HADHA: variants seen among roughly 807,000 people sequenced by gnomAD.
HADHA encodes the protein hydroxyacyl-CoA dehydrogenase trifunctional multienzyme complex subunit alpha, also known as trifunctional enzyme subunit alpha, mitochondrial.
Under a neutral mutation model 91.3 loss-of-function variants are expected in HADHA, and 59 were observed. The observed-to-expected ratio is 0.65, with a 90% CI of 0.52 to 0.80. HADHA has a LOEUF of 0.80. Ranked by LOEUF, HADHA falls within the 30% of genes least tolerant of loss-of-function variation. The pLI, the probability that HADHA is intolerant of heterozygous loss-of-function variation, is 0.00. For missense variants in HADHA, 800 were observed against 927.6 expected (o/e 0.86, Z 1.79); for synonymous variants, 320 against 338.9 (o/e 0.94, Z 0.61).
intron 5 of HADHA, among the ~76,000 whole-genome samples, chr2:26,233,244 C>G (rs1670668432): frequency 6.6e-6 from 1 of 152,150 alleles, no homozygotes; most frequent in African/African-American, 2.4e-5. Flanking sequence ...GGCTACAAAC[C>G]TGGACTGCAT....
chr2:26,234,444 T>A, intron 4 of HADHA, 89 bp from the exon 5 acceptor site: 1 of 1,099,370 alleles, frequency 9.1e-7, no homozygotes, highest in Non-Finnish European at 1.4e-6. Context: ...ACTTATCCTA[T>A]CATGCATCAA....
intron 16 of HADHA, 90 bp from the exon 17 acceptor site, chr2:26,193,862 T>G: frequency 1.0e-6 from 1 of 993,322 alleles, no homozygotes; most frequent in African/African-American, 1.6e-5. Flanking sequence ...CACTGCCTTG[T>G]GTAAAACCCA....
intron 7 of HADHA, among the ~76,000 whole-genome samples, chr2:26,219,666 G>C (rs1394763509): frequency 1.3e-5 from 2 of 152,174 alleles, no homozygotes; most frequent in African/African-American, 4.8e-5. Flanking sequence ...GAATCCCGGG[G>C]TGGCAGGGCC....
At chr2:26,225,387 G>A in intron 7 of HADHA, among the ~76,000 whole-genome samples, 1 of 102,702 alleles carries the variant, frequency 9.7e-6, no homozygotes, top group African/African-American at 4.4e-5. Flanking sequence ...GACAGGGTGA[G>A]ACTCCATCTC....
intron 6 of HADHA, among the ~76,000 whole-genome samples, chr2:26,230,648 G>A (rs778870048): frequency 1.3e-5 from 2 of 151,952 alleles, no homozygotes; most frequent in Admixed American, 6.6e-5. Context: ...GGCCAGGCAC[G>A]GTGGCTCACA....
At chr2:26,219,714 T>C (rs1670328754) in intron 7 of HADHA, among the ~76,000 whole-genome samples, 1 of 152,190 alleles carries the variant, frequency 6.6e-6, no homozygotes, top group Admixed American at 6.5e-5. Context: ...GTGGGCATAG[T>C]TACCATAATA....
At chr2:26,244,375 T>A in intron 1 of HADHA, 155 bp downstream of exon 1, 1 of 777,782 alleles carries the variant, frequency 1.3e-6, no homozygotes. Flanking sequence ...CTTCAGAAGG[T>A]CACGGGAAAC....
In HADHA at chr2:26,194,616, G is replaced by A. The variant is rs769325046; in HGVS notation, c.1643C>T (p.Thr548Ile). 3.1e-6 allele frequency: 5 copies of A among 1,611,482 alleles called. No individual in the cohort carries two copies. In the East Asian group the frequency reaches 1.1e-4, roughly 36 times the overall value. Residue 548 changes from threonine (T) to isoleucine (I), a missense_variant, in exon 16 of 20, where the codon ACC becomes ATC. Thr to Ile is a moderately conservative substitution (Grantham distance 89). Coordinates refer to ENST00000380649, the MANE Select transcript of HADHA (RefSeq NM_000182.5). ...AGACATCATGGGCGCAAGACACCTG[G>A]TAGTATAGAAGCCAGGTCCATCCTG... ...VVKDGPGFYT[T>I]RCLAPMMSEV...
intron 11 of HADHA, among the ~76,000 whole-genome samples, chr2:26,209,494 G>A (rs1056861711): frequency 1.1e-4 from 17 of 152,150 alleles, no homozygotes; most frequent in African/African-American, 4.1e-4. Flanking sequence ...CAGAGGGAGT[G>A]TGTGGTTTGG....
chr2:26,202,943 G>A (rs140916719), intron 12 of HADHA, among the ~76,000 whole-genome samples: 1,992 of 152,298 alleles, frequency 0.013, 37 homozygotes, highest in Non-Finnish European at 0.012. Context: ...AGCGGCACTC[G>A]CCAGAACCTG....
intron 7 of HADHA, among the ~76,000 whole-genome samples, chr2:26,227,287 G>A (rs1670506569): frequency 6.6e-6 from 1 of 152,146 alleles, no homozygotes; most frequent in African/African-American, 2.4e-5. Context: ...CAAGGCAGGG[G>A]GATAACTTGA....
intron 7 of HADHA, among the ~76,000 whole-genome samples, chr2:26,216,897 A>G (rs945462720): frequency 6.6e-6 from 1 of 152,210 alleles, no homozygotes; most frequent in African/African-American, 2.4e-5. Context: ...AAGAACCACC[A>G]TAAAAGGCAT....
intron 12 of HADHA, among the ~76,000 whole-genome samples, chr2:26,202,215 G>A (rs552341483): frequency 6.6e-6 from 1 of 152,186 alleles, no homozygotes; most frequent in African/African-American, 2.4e-5. Flanking sequence ...TTAACTCAAG[G>A]TTTCTTTTTT....
chr2:26,238,871 T>C, intron 3 of HADHA, 63 bp downstream of exon 3: 5 of 961,084 alleles, frequency 5.2e-6, no homozygotes, highest in South Asian at 5.1e-5. Context: ...GATACATCTT[T>C]CCCATTCAGG....
At chr2:26,243,400 T>C (rs1670962785) in intron 1 of HADHA, 1 of 145,944 alleles carries the variant, frequency 6.9e-6, no homozygotes, top group African/African-American at 2.4e-5. Context: ...CAATGGGTGA[T>C]TCGTTTTTTT....
chr2:26,227,943 G>T (rs1349787124), intron 7 of HADHA, among the ~76,000 whole-genome samples: 1 of 151,432 alleles, frequency 6.6e-6, no homozygotes, highest in African/African-American at 2.4e-5. Context: ...AGCCTCCCTA[G>T]TAGCCAGGAC....
chr2:26,201,415 C>T lies in HADHA; in HGVS notation c.1221-95G>A, dbSNP rs1669831826. 7 of 819,860 alleles carry T rather than the reference C, an allele frequency of 8.5e-6. No individual in the cohort carries two copies. In the Admixed American group the frequency reaches 1.4e-4, roughly 16 times the overall value. 50.8% of individuals were successfully genotyped at this position (819,860 alleles called of 1,614,324 possible). ...AGAGCACACCTGTGTTTTTCACCAA[C>T]TCTGTGAGGTAGTTATTCTATTACT... On this transcript the variant is annotated intron_variant, in intron 12 of 19. Transcript: ENST00000380649.
chr2:26,241,595 G>C (rs111565053), intron 1 of HADHA, among the ~76,000 whole-genome samples: 99 of 152,004 alleles, frequency 6.5e-4, no homozygotes, highest in African/African-American at 2.2e-3. Context: ...AGGTTGCAGT[G>C]AGCCAAGAGC....
intron 16 of HADHA, 97 bp from the exon 17 acceptor site, chr2:26,193,869 C>A (rs1364364903): frequency 3.1e-6 from 3 of 953,356 alleles, no homozygotes; most frequent in African/African-American, 1.6e-5. Context: ...TTGTGTAAAA[C>A]CCACTTCTGA....
Sources: gnomAD v4.1 joint callset for allele counts (sites outside exome capture counted in the v4.1 genomes callset) on GRCh38, gnomAD v4.1.1 for gene constraint, MANE v1.5 for transcripts, NCBI Gene and HGNC (gene_info 2026-07-23, HGNC 2026-07-21) for gene names.